The following SLC13A3 variants were observed in gnomAD, a reference collection of about 807,000 sequenced individuals.
SLC13A3 encodes solute carrier family 13 member 3, also known as Na(+)/dicarboxylate cotransporter 3.
SLC13A3 carries 40 observed loss-of-function variants against 59.0 expected under a neutral mutation model. That is an observed-to-expected ratio of 0.68 (90% CI 0.53 to 0.88). The LOEUF (loss-of-function observed/expected upper bound fraction) is 0.88, where lower values mean the gene tolerates loss of function less well. SLC13A3 is among the 40% of genes least tolerant of loss of function. The pLI, the probability that SLC13A3 is intolerant of heterozygous loss-of-function variation, is 0.00. For missense variants in SLC13A3, 699 were observed against 783.2 expected, an observed-to-expected ratio of 0.89 and a Z score of 1.28; for synonymous variants, 317 against 330.3, an observed-to-expected ratio of 0.96 and a Z score of 0.44.
chr20:46,647,310 G>T (rs917590895), intron 1 of SLC13A3, among the ~76,000 whole-genome samples: 2 of 152,154 alleles, frequency 1.3e-5, no homozygotes, highest in East Asian at 3.9e-4. Context: ...CTCTTGGACA[G>T]GTGGTCAGTA....
At chr20:46,642,014 A>C (rs1171893528) in intron 1 of SLC13A3, among the ~76,000 whole-genome samples, 1 of 152,088 alleles carries the variant, frequency 6.6e-6, no homozygotes, top group Non-Finnish European at 1.5e-5. Flanking sequence ...AAACCTGCAC[A>C]CCCTGCCTTG....
At chr20:46,638,393 C>A (rs547046084) in intron 1 of SLC13A3, among the ~76,000 whole-genome samples, 12 of 152,202 alleles carry the variant, frequency 7.9e-5, no homozygotes, top group Non-Finnish European at 1.8e-4. Flanking sequence ...GAGAAAGGTG[C>A]AGGAGGCATG....
rs184257033 is a variant in SLC13A3, at chr20:46,586,127, T to G, written c.1121+1932A>C. ...ATATTAGTTTCATCTGTTTTTCACT[T>G]TTTTAATATAGCTACCAAAAAATTT... On this transcript the variant is annotated intron_variant, in intron 8 of 12. Coordinates refer to ENST00000279027, the MANE Select transcript of SLC13A3 (RefSeq NM_022829.6). Among the ~76,000 whole-genome samples the G allele has an allele frequency of 3.7e-4, 57 of 152,354 alleles. 1 individual carries two copies. In the East Asian group the frequency reaches 9.1e-3, roughly 24 times the overall value.
chr20:46,682,227 C>G (rs1157861276), intron 1 of SLC13A3: 1 of 152,128 alleles, frequency 6.6e-6, no homozygotes, highest in Non-Finnish European at 1.5e-5. Flanking sequence ...GCCCACGGGC[C>G]GACTGTCTGA....
At chr20:46,676,865 T>C (rs944306132) in intron 1 of SLC13A3, among the ~76,000 whole-genome samples, 1 of 152,220 alleles carries the variant, frequency 6.6e-6, no homozygotes, top group Admixed American at 6.5e-5. Context: ...AAAGATCACA[T>C]GGCCTACGCC....
At position 46,613,600 on chromosome 20, in the gene SLC13A3, G is replaced by T. The variant is rs965686880; in HGVS notation, c.237C>A (p.Asn79Lys). The change falls in exon 2 of 13, where the codon AAC (asparagine) becomes AAA (lysine). Residue 79 changes from asparagine to lysine, a missense_variant. Asn to Lys is a moderately conservative substitution (Grantham distance 94). Coordinates refer to ENST00000279027, the MANE Select transcript of SLC13A3 (RefSeq NM_022829.6). ...CGAGGAAGTACTGGGGGCAGACCTT[G>T]TTGGAGGGCAAGATGCCCATGAAGG... ...LFPFMGILPS[N>K]KVCPQYFLDT... is the part of the protein sequence containing the mutation. The T allele has an allele frequency of 1.2e-6, 2 of 1,613,348 alleles. No individual in the cohort carries two copies. The highest frequency in any genetic ancestry group is 1.7e-6 in the Non-Finnish European group (2 of 1,179,682).
At chr20:46,565,612 C>G (rs1242778311) in intron 11 of SLC13A3, among the ~76,000 whole-genome samples, 1 of 152,180 alleles carries the variant, frequency 6.6e-6, no homozygotes, top group African/African-American at 2.4e-5. Context: ...GCATGAGTGG[C>G]AGAGCCCGGC....
intron 1 of SLC13A3, among the ~76,000 whole-genome samples, chr20:46,626,956 C>T (rs185420602): frequency 1.3e-5 from 2 of 152,306 alleles, no homozygotes; most frequent in East Asian, 3.9e-4. Flanking sequence ...TCAAAGGTCT[C>T]CCCTCCAGGA....
At chr20:46,627,578 CT>C (rs1159136980) in intron 1 of SLC13A3, among the ~76,000 whole-genome samples, 1 of 151,868 alleles carries the variant, frequency 6.6e-6, no homozygotes, top group Non-Finnish European at 1.5e-5. Flanking sequence ...TATGTGAAAT[CT>C]CAGTTTTAAA....
chr20:46,559,912 A>C lies in SLC13A3; in HGVS notation c.*110T>G. On this transcript the variant is annotated 3_prime_UTR_variant, in exon 13 of 13. Transcript: ENST00000279027. Reference sequence around the variant, plus strand: ...ACTGGAGGTCACCCTTGCTTGCTGCATATTGGATTACAGAAAAGAATTATT... The same window carrying C: ...ACTGGAGGTCACCCTTGCTTGCTGCCTATTGGATTACAGAAAAGAATTATT... The C allele has an allele frequency of 8.8e-7, 1 of 1,134,358 alleles. No homozygotes were observed. Among genetic ancestry groups the C allele is most frequent in the South Asian group, 1.5e-5 (1 of 65,980 alleles). 70.3% of individuals were successfully genotyped at this position (1,134,358 alleles called of 1,614,324 possible).
intron 9 of SLC13A3, among the ~76,000 whole-genome samples, chr20:46,579,119 GTC>G (rs966339606): frequency 2.6e-5 from 4 of 151,814 alleles, no homozygotes; most frequent in Non-Finnish European, 4.4e-5. Flanking sequence ...TTGTCTCTTT[GTC>G]TCTCTCTCCC....
At chr20:46,677,025 T>C (rs2122945670) in intron 1 of SLC13A3, among the ~76,000 whole-genome samples, 1 of 152,320 alleles carries the variant, frequency 6.6e-6, no homozygotes, top group East Asian at 1.9e-4. Flanking sequence ...GCGATTCTCC[T>C]GTCTCAGCCT....
chr20:46,588,478 AACAGAG>A (rs1490299650), intron 7 of SLC13A3, among the ~76,000 whole-genome samples: 1 of 152,184 alleles, frequency 6.6e-6, no homozygotes, highest in Non-Finnish European at 1.5e-5. Context: ...GAAAGTGAGA[AACAGAG>A]ACAGAGTCCG....
At chr20:46,667,340 C>T (rs1444292429) in intron 1 of SLC13A3, among the ~76,000 whole-genome samples, 1 of 152,152 alleles carries the variant, frequency 6.6e-6, no homozygotes, top group Non-Finnish European at 1.5e-5. Flanking sequence ...GTCCATGCCC[C>T]AAAGTCTGAG....
chr20:46,599,200 T>C (rs1372775996), intron 4 of SLC13A3, among the ~76,000 whole-genome samples: 1 of 152,256 alleles, frequency 6.6e-6, no homozygotes, highest in Non-Finnish European at 1.5e-5. Flanking sequence ...CCTTGCTGTA[T>C]CTCCATCCTT....
intron 3 of SLC13A3, among the ~76,000 whole-genome samples, chr20:46,608,540 C>A (rs1034086419): frequency 6.6e-6 from 1 of 152,308 alleles, no homozygotes. Flanking sequence ...ATGCTATGAT[C>A]CTCAACACAT....
Position 46,588,079 on chromosome 20 carries a change from C to T in SLC13A3, c.1101G>A (p.Trp367Ter), listed in dbSNP as rs2062212641. The change falls in exon 8 of 13, where the codon TGG (tryptophan) becomes TGA (stop). Residue 367 changes from tryptophan (W) to a stop codon, truncating the protein, a stop_gained. Transcript: ENST00000279027. LOFTEE classifies it high-confidence loss of function. ...CTCACCCAGGATTGAAGAGGCTGGC[C>T]CAGCCAGGGATGAACTTCGGGTCCC... Reference protein sequence around the residue: ...FTRDPKFIPGWASLFNPGFLS... With the variant: ...FTRDPKFIPG 6.2e-7 allele frequency: 1 copy of T among 1,609,944 alleles called. No individual in the cohort carries two copies. Among genetic ancestry groups the T allele is most frequent in the Non-Finnish European group, 8.5e-7 (1 of 1,177,416 alleles).
At chr20:46,655,042 T>C (rs1003544137), upstream of SLC13A3, among the ~76,000 whole-genome samples, 10 of 152,226 alleles carry the variant, frequency 6.6e-5, no homozygotes, top group African/African-American at 2.4e-4. Context: ...ATTTGAGTTA[T>C]TTCTTCTCCA....
chr20:46,600,012 G>A lies in SLC13A3; in HGVS notation c.567C>T (p.His189=), dbSNP rs754302906. 6.3e-7 allele frequency: 1 copy of A among 1,581,320 alleles called. No individual in the cohort carries two copies. ...NTAAVRRNGL[H]TVPTEMQFLA... ...GAAACTGCATCTCCGTGGGCACAGT[G>A]TGTAGGCCGTTTCTCCGCACAGCAG... The change falls in exon 4 of 13, where the codon CAC becomes CAT. Residue 189 remains histidine (H), a synonymous_variant. Transcript: ENST00000279027.
Sources: allele counts gnomAD v4.1 joint callset (sites outside exome capture counted in the v4.1 genomes callset), GRCh38; gene constraint gnomAD v4.1.1; transcripts MANE v1.5; gene names NCBI Gene and HGNC (gene_info 2026-07-23, HGNC 2026-07-21).